The following SIPA1L1 variants were observed in gnomAD, a reference collection of about 807,000 sequenced individuals.
SIPA1L1 encodes the protein signal-induced proliferation-associated 1-like protein 1.
SIPA1L1 carries 26 observed loss-of-function variants against 162.7 expected under a neutral mutation model. The observed-to-expected ratio is 0.16, with a 90% CI of 0.12 to 0.22. SIPA1L1 has a LOEUF of 0.22. Ranked by LOEUF, SIPA1L1 falls within the 10% of genes least tolerant of loss-of-function variation. The pLI is 1.00. For synonymous variants in SIPA1L1, 829 were observed against 837.4 expected (o/e 0.99, Z 0.17); for missense variants, 1,874 against 2,241.0 (o/e 0.84, Z 3.31).
rs564824146 is a variant in SIPA1L1 at position 71,650,176 on chromosome 14, A to G, written c.1819-159A>G. ...CATGAAGTTCGTAGATACTTGCTCCACTTAATTTTGGATCAAAGACGGAAA... is the reference window on the plus strand; with the variant it reads ...CATGAAGTTCGTAGATACTTGCTCCGCTTAATTTTGGATCAAAGACGGAAA... On this transcript the variant is annotated intron_variant, in intron 7 of 23. Transcript: ENST00000381232. 3.9e-4 allele frequency: 294 copies of G among 752,062 alleles called. 2 individuals carry two copies. In the South Asian group the frequency reaches 4.7e-3, roughly 12 times the overall value. 46.6% of individuals were successfully genotyped at this position (752,062 alleles called of 1,614,324 possible). A position where few individuals can be genotyped will look rare whatever the true frequency, so the allele number is the denominator to read the frequency against.
At chr14:71,346,674 G>A (rs1313512760) in intron 2 of SIPA1L1, among the ~76,000 whole-genome samples, 1 of 152,156 alleles carries the variant, frequency 6.6e-6, no homozygotes, top group African/African-American at 2.4e-5. Context: ...TGGAAAAGAA[G>A]CCAGATTTTA....
At chr14:71,534,615 T>C (rs1339099611) in intron 4 of SIPA1L1, among the ~76,000 whole-genome samples, 1 of 152,206 alleles carries the variant, frequency 6.6e-6, no homozygotes, top group Non-Finnish European at 1.5e-5. Context: ...TGAATAAAAT[T>C]AGTCTGGCCT....
intron 6 of SIPA1L1, among the ~76,000 whole-genome samples, chr14:71,620,931 A>G (rs1418911756): frequency 6.6e-6 from 1 of 152,226 alleles, no homozygotes; most frequent in Admixed American, 6.5e-5. Context: ...AAGTGTTCAA[A>G]AAAACCATTA....
At chr14:71,697,846 C>T (rs963412684) in intron 13 of SIPA1L1, among the ~76,000 whole-genome samples, 1 of 152,024 alleles carries the variant, frequency 6.6e-6, no homozygotes, top group Admixed American at 6.5e-5. Flanking sequence ...TGTCTCAAGA[C>T]GTCAAAACTT....
chr14:71,640,607 C>G (rs1210029484), intron 7 of SIPA1L1, among the ~76,000 whole-genome samples: 1 of 152,100 alleles, frequency 6.6e-6, no homozygotes, highest in Non-Finnish European at 1.5e-5. Flanking sequence ...ATCTGTAAAA[C>G]AATTATATTG....
At position 71,664,665 on chromosome 14, in the gene SIPA1L1, AT is replaced by A. The variant is rs1219086203; in HGVS notation, c.2255+3204del. Among the ~76,000 whole-genome samples, 3 of 152,200 alleles carry A rather than the reference AT, an allele frequency of 2.0e-5. 1 individual carries two copies. The South Asian group carries it at 6.2e-4, about 32-fold the overall frequency. On this transcript the variant is annotated intron_variant, in intron 10 of 23. Coordinates refer to ENST00000381232, the MANE Select transcript of SIPA1L1 (RefSeq NM_001386936.1). ...TAACTAGGTCATATTCATTCTTTCT[AT>A]TTTTTGTACCCCAAGTGCTTTTTAG...
chr14:71,548,540 A>T (rs2055462742), intron 4 of SIPA1L1, among the ~76,000 whole-genome samples: 2 of 152,186 alleles, frequency 1.3e-5, no homozygotes, highest in African/African-American at 4.8e-5. Context: ...TTTTAAGTGT[A>T]ATTTACATTA....
chr14:71,432,206 C>G (rs2140977892), intron 2 of SIPA1L1, among the ~76,000 whole-genome samples: 1 of 152,132 alleles, frequency 6.6e-6, no homozygotes, highest in South Asian at 2.1e-4. Flanking sequence ...TCCGGAGTAG[C>G]TGGGACTCTA....
chr14:71,325,022 T>A (rs1346288884), intron 2 of SIPA1L1, among the ~76,000 whole-genome samples: 1 of 152,180 alleles, frequency 6.6e-6, no homozygotes, highest in African/African-American at 2.4e-5. Context: ...GTTGGGTGAA[T>A]GCCCTTGAGG....
chr14:71,343,649 C>T (rs2035875756), intron 2 of SIPA1L1, among the ~76,000 whole-genome samples: 1 of 151,904 alleles, frequency 6.6e-6, no homozygotes, highest in Admixed American at 6.6e-5. Context: ...CTTCTAAAAA[C>T]AAGCAGAACA....
chr14:71,353,788 A>T (rs551137755), intron 2 of SIPA1L1, among the ~76,000 whole-genome samples: 1 of 152,228 alleles, frequency 6.6e-6, no homozygotes, highest in East Asian at 1.9e-4. Flanking sequence ...ACTAGGTATT[A>T]TTTTAGTATT....
intron 22 of SIPA1L1, among the ~76,000 whole-genome samples, chr14:71,736,328 C>T (rs1424131170): frequency 2.6e-5 from 4 of 152,124 alleles, no homozygotes; most frequent in Admixed American, 1.3e-4. Context: ...ACCCAGGAGG[C>T]GGAGGTTGCA....
chr14:71,715,635 G>A (rs2083212593), intron 17 of SIPA1L1, among the ~76,000 whole-genome samples: 1 of 152,232 alleles, frequency 6.6e-6, no homozygotes, highest in African/African-American at 2.4e-5. Context: ...ATTATCAAAT[G>A]TATTGCAAAC....
At chr14:71,386,265 A>G (rs538799550) in intron 2 of SIPA1L1, among the ~76,000 whole-genome samples, 11 of 152,318 alleles carry the variant, frequency 7.2e-5, no homozygotes, top group South Asian at 4.1e-4. Flanking sequence ...TTGGATTCCA[A>G]TGTTGGAGAG....
At chr14:71,539,285 A>C (rs78094809) in intron 4 of SIPA1L1, among the ~76,000 whole-genome samples, 4 of 152,132 alleles carry the variant, frequency 2.6e-5, no homozygotes, top group Non-Finnish European at 5.9e-5. Context: ...TGTCTTTACT[A>C]TATTACTCTT....
rs567426484 is a variant in SIPA1L1 at position 71,500,999 on chromosome 14, TC to T, written c.-464-11742del. On this transcript the variant is annotated intron_variant, in intron 2 of 23. Transcript: ENST00000381232. ...CCATCCTGGGCAACAAGAGCGAAAC[TC>T]CGCCTCCAAAAACAAAACAAAACAA... Among the ~76,000 whole-genome samples, 16 of 151,184 alleles carry T rather than the reference TC, an allele frequency of 1.1e-4. No individual in the cohort carries two copies. The South Asian group carries it at 3.3e-3, about 32-fold the overall frequency.
chr14:71,698,987 T>C lies in SIPA1L1; in HGVS notation c.3381T>C (p.Ser1127=), dbSNP rs1053644842. 6.2e-7 allele frequency: 1 copy of C among 1,614,236 alleles called. No individual in the cohort carries two copies. Among genetic ancestry groups the C allele is most frequent in the Non-Finnish European group, 8.5e-7 (1 of 1,180,030 alleles). The change falls in exon 14 of 24, where the codon TCT becomes TCC. Residue 1127 remains serine, a synonymous_variant. Transcript: ENST00000381232. ...SDGRPLERRL[S]PGSDIYVTVS... is the part of the protein sequence containing the mutation. ...TTTTGTATTGCACATGCAGGCTGTC[T>C]CCTGGTTCGGACATCTATGTGACGG... is the stretch of plus-strand genomic sequence containing the variant.
At chr14:71,356,941 T>G (rs1045114276) in intron 2 of SIPA1L1, among the ~76,000 whole-genome samples, 1 of 152,144 alleles carries the variant, frequency 6.6e-6, no homozygotes, top group Non-Finnish European at 1.5e-5. Context: ...TTGAGACTTA[T>G]GAATCAGTTA....
At chr14:71,456,164 A>G (rs1221710878) in intron 2 of SIPA1L1, among the ~76,000 whole-genome samples, 3 of 152,244 alleles carry the variant, frequency 2.0e-5, no homozygotes, top group Non-Finnish European at 2.9e-5. Flanking sequence ...TGTGTAAAAC[A>G]ACATCTCAAG....
Sources: gnomAD v4.1 joint callset for allele counts (sites outside exome capture counted in the v4.1 genomes callset) on GRCh38, gnomAD v4.1.1 for gene constraint, MANE v1.5 for transcripts, NCBI Gene and HGNC (gene_info 2026-07-23, HGNC 2026-07-21) for gene names.